The following TSG101 variants were observed in gnomAD, a reference collection of about 807,000 sequenced individuals.
The protein encoded by TSG101 is tumor susceptibility 101.
TSG101 carries 19 observed loss-of-function variants against 48.5 expected under a neutral mutation model. The observed-to-expected ratio is 0.39, with a 90% CI of 0.27 to 0.58. TSG101 has a LOEUF of 0.58. Ranked by LOEUF, TSG101 falls within the 20% of genes least tolerant of loss-of-function variation. The pLI, the probability that TSG101 is intolerant of heterozygous loss-of-function variation, is 0.55. For synonymous variants in TSG101, 174 were observed against 169.4 expected, an observed-to-expected ratio of 1.03 and a Z score of -0.21; for missense variants, 365 against 484.4, an observed-to-expected ratio of 0.75 and a Z score of 2.31.
intron 7 of TSG101, among the ~76,000 whole-genome samples, chr11:18,485,024 T>C (rs1418479989): frequency 7.1e-6 from 1 of 140,076 alleles, no homozygotes; most frequent in Non-Finnish European, 1.5e-5. Flanking sequence ...CTGCAACCTC[T>C]GCCTCCTGAG....
At chr11:18,497,474 A>C (rs1183719901) in intron 7 of TSG101, among the ~76,000 whole-genome samples, 2 of 152,234 alleles carry the variant, frequency 1.3e-5, no homozygotes, top group Non-Finnish European at 2.9e-5. Flanking sequence ...AAAAATCATA[A>C]ACATGAGATC....
intron 6 of TSG101, among the ~76,000 whole-genome samples, chr11:18,504,128 G>C (rs1849930998): frequency 6.7e-6 from 1 of 149,770 alleles, no homozygotes; most frequent in Non-Finnish European, 1.5e-5. Context: ...CTGAGCCCAG[G>C]AGGTCAAGGC....
chr11:18,509,568 G>A lies in TSG101; in HGVS notation c.455C>T (p.Pro152Leu), dbSNP rs1850042891. The change falls in exon 5 of 10, where the codon CCA becomes CTA. Residue 152 changes from proline to leucine, a missense_variant. Transcript: ENST00000251968. ...ATTTGGTGGCCCCGTTGCCTGGTAT[G>A]GCGGATAGGATGCCGAAATAGGACG... ...FSRPISASYP[P>L]YQATGPPNTS... The A allele has an allele frequency of 6.2e-7, 1 of 1,613,692 alleles. No individual in the cohort carries two copies. Among genetic ancestry groups the A allele is most frequent in the East Asian group, 2.2e-5 (1 of 44,894 alleles).
At position 18,484,081 on chromosome 11, in the gene TSG101, A is replaced by C. The variant is rs773188200; in HGVS notation, c.641-9T>G. The C allele has an allele frequency of 1.2e-6, 2 of 1,613,246 alleles. No homozygotes were observed. The highest frequency in any genetic ancestry group is 1.3e-5 in the African/African-American group (1 of 74,908). ...GCCATCCCTACTGGGACCTGCAGGAAACAGAGGCAAAAAACACTTGCTTAC... is the reference window on the plus strand; with the variant it reads ...GCCATCCCTACTGGGACCTGCAGGACACAGAGGCAAAAAACACTTGCTTAC... On this transcript the variant is annotated splice_polypyrimidine_tract_variant and intron_variant, in intron 7 of 9. Transcript: ENST00000251968.
intron 8 of TSG101, among the ~76,000 whole-genome samples, chr11:18,482,592 T>C (rs976209358): frequency 6.6e-6 from 1 of 152,206 alleles, no homozygotes; most frequent in Non-Finnish European, 1.5e-5. Context: ...CACTTTATCA[T>C]CATTAAGCAA....
intron 5 of TSG101, 55 bp from the exon 6 acceptor site, chr11:18,506,978 G>T: frequency 7.0e-7 from 1 of 1,436,092 alleles, no homozygotes. Context: ...TGAATATGTA[G>T]GCTACTGAAT....
intron 7 of TSG101, chr11:18,490,903 C>T (rs562134363): frequency 1.7e-4 from 73 of 439,228 alleles, no homozygotes; most frequent in African/African-American, 1.4e-3. Context: ...ATCATCATAG[C>T]GCTCAGCCTG....
At chr11:18,520,660 G>C (rs566929482) in intron 1 of TSG101, among the ~76,000 whole-genome samples, 1 of 152,304 alleles carries the variant, frequency 6.6e-6, no homozygotes, top group South Asian at 2.1e-4. Context: ...TTTGGAATGT[G>C]TTAATTGTAT....
chr11:18,485,171 A>G (rs1247062604), intron 7 of TSG101, among the ~76,000 whole-genome samples: 1 of 152,116 alleles, frequency 6.6e-6, no homozygotes, highest in Admixed American at 6.5e-5. Context: ...AAACTCTGTC[A>G]ACAAACTCTA....
At chr11:18,521,534 A>G (rs1043975769) in intron 1 of TSG101, among the ~76,000 whole-genome samples, 6 of 151,066 alleles carry the variant, frequency 4.0e-5, no homozygotes, top group Non-Finnish European at 7.4e-5. Context: ...ACACCTGGAT[A>G]ATTTTTAAAT....
rs1388451795 is a variant in TSG101 at position 18,514,828 on chromosome 11, A to G, written c.207T>C (p.Asn69=). The G allele has an allele frequency of 6.4e-7, 1 of 1,550,704 alleles. No homozygotes were observed. Among genetic ancestry groups the G allele is most frequent in the Non-Finnish European group, 8.6e-7 (1 of 1,159,530 alleles). The change falls in exon 4 of 10, where the codon AAT becomes AAC. Residue 69 remains asparagine (N), a synonymous_variant. Coordinates refer to ENST00000251968, the MANE Select transcript of TSG101 (RefSeq NM_006292.4). ...CCAGTAGCCATAGGCATATTGGAAT[A>G]TTGTATGTATTACCTGAAAAAGAAA... ...IPVPYRGNTY[N]IPICLWLLDT...
intron 2 of TSG101, among the ~76,000 whole-genome samples, chr11:18,518,968 A>G (rs1490601706): frequency 6.6e-6 from 1 of 151,946 alleles, no homozygotes; most frequent in Non-Finnish European, 1.5e-5. Context: ...ATCCCCTCCT[A>G]GGTTTAAATT....
chr11:18,509,095 T>G (rs1320614033), intron 5 of TSG101, among the ~76,000 whole-genome samples: 3 of 152,196 alleles, frequency 2.0e-5, no homozygotes, highest in Non-Finnish European at 4.4e-5. Flanking sequence ...AGCTAAGAGC[T>G]AGATGTCCAA....
intron 6 of TSG101, among the ~76,000 whole-genome samples, chr11:18,504,640 T>C (rs140407671): frequency 1.8e-4 from 28 of 152,356 alleles, no homozygotes; most frequent in African/African-American, 4.3e-4. Context: ...TTTGCAAAGA[T>C]AATGTGATCA....
intron 1 of TSG101, among the ~76,000 whole-genome samples, chr11:18,521,551 T>C (rs1018114125): frequency 2.0e-5 from 3 of 151,012 alleles, no homozygotes; most frequent in Admixed American, 6.6e-5. Context: ...AAATTTTTCA[T>C]AGAGACAGGA....
At chr11:18,514,241 T>C (rs1382181971) in intron 4 of TSG101, among the ~76,000 whole-genome samples, 1 of 152,212 alleles carries the variant, frequency 6.6e-6, no homozygotes, top group Non-Finnish European at 1.5e-5. Context: ...GTTGTTTGTA[T>C]TTTCTCTTGC....
rs1237452593 is a variant in TSG101, at chr11:18,481,809, G to A, written c.904C>T (p.Leu302=). 1 of 1,614,018 alleles carries A rather than the reference G, an allele frequency of 6.2e-7. No homozygotes were observed. ...KKKDEELSSA[L]EKMENQSENN... is the part of the protein sequence containing the mutation. ...TCAGACTGATTTTCCATTTTTTCCA[G>A]AGCAGAACTGAGTTCTTCATCCTTC... The change falls in exon 9 of 10, where the codon CTG becomes TTG. Residue 302 remains leucine, a synonymous_variant. Coordinates refer to ENST00000251968, the MANE Select transcript of TSG101 (RefSeq NM_006292.4).
intron 4 of TSG101, among the ~76,000 whole-genome samples, chr11:18,512,481 GTGTC>G (rs1850100788): frequency 6.6e-6 from 1 of 152,088 alleles, no homozygotes; most frequent in African/African-American, 2.4e-5. Context: ...TTTTAAGTCT[GTGTC>G]TGATAACCAA....
intron 6 of TSG101, among the ~76,000 whole-genome samples, chr11:18,502,904 C>T (rs764835670): frequency 3.9e-5 from 6 of 152,146 alleles, no homozygotes; most frequent in Non-Finnish European, 8.8e-5. Flanking sequence ...AGAACTTTTC[C>T]GATTTCTCAG....
Sources: gnomAD v4.1 joint callset for allele counts (sites outside exome capture counted in the v4.1 genomes callset) on GRCh38, gnomAD v4.1.1 for gene constraint, MANE v1.5 for transcripts, NCBI Gene and HGNC (gene_info 2026-07-23, HGNC 2026-07-21) for gene names.